Variants in ATXN2 observed in about 807,000 individuals in gnomAD.
ATXN2 encodes the protein ataxin 2, also known as ataxin-2.
In ATXN2, 37 loss-of-function variants were observed where a neutral mutation model predicts 138.6. The ratio of observed to expected loss-of-function variants is 0.27; its 90% CI spans 0.21 to 0.35. The LOEUF is 0.35. ATXN2 is among the 10% of genes least tolerant of loss of function. The probability of loss-of-function intolerance (pLI) is 1.00; values close to 1 mark genes in which losing one functional copy is unlikely to be tolerated. For synonymous variants in ATXN2, 549 were observed against 543.7 expected (o/e 1.01, Z -0.13); for missense variants, 1,216 against 1,480.3 (o/e 0.82, Z 2.93).
intron 15 of ATXN2, among the ~76,000 whole-genome samples, chr12:111,487,080 AT>A (rs1403311852): frequency 6.6e-6 from 1 of 152,012 alleles, no homozygotes; most frequent in Non-Finnish European, 1.5e-5. Flanking sequence ...CAATCAAAAA[AT>A]ACTTTTTTTT....
In ATXN2 at chr12:111,452,590, A is replaced by G. The variant is rs1482507947; in HGVS notation, c.*222T>C. On this transcript the variant is annotated 3_prime_UTR_variant, in exon 25 of 25. Coordinates refer to ENST00000673436, the MANE Select transcript of ATXN2 (RefSeq NM_001372574.1). ...GGTACCTGCGGGACTCTGAAACAGC[A>G]TATGGAATTATGGAATAGCCCCCAA... The G allele has an allele frequency of 2.2e-5, 13 of 577,790 alleles. No homozygotes were observed. Among genetic ancestry groups the G allele is most frequent in the South Asian group, 1.4e-4 (6 of 43,824 alleles). The allele number at this position is 577,790 out of a possible 1,614,324, so 35.8% of individuals were successfully genotyped here.
chr12:111,537,371 G>A (rs1881247314), intron 5 of ATXN2, among the ~76,000 whole-genome samples: 1 of 152,028 alleles, frequency 6.6e-6, no homozygotes, highest in Non-Finnish European at 1.5e-5. Flanking sequence ...GATCACTTGA[G>A]GTCAGGAATT....
intron 20 of ATXN2, chr12:111,468,406 T>C (rs1876175650): frequency 6.6e-6 from 1 of 152,224 alleles, no homozygotes; most frequent in Non-Finnish European, 1.5e-5. Flanking sequence ...CAATACAAAA[T>C]TGAAAGTGAT....
intron 14 of ATXN2, among the ~76,000 whole-genome samples, chr12:111,490,031 C>T (rs1313107204): frequency 6.7e-6 from 1 of 149,694 alleles, no homozygotes; most frequent in East Asian, 2.0e-4. Context: ...GGTGAAACTC[C>T]GTCTCTACTA....
At chr12:111,464,247 G>GGTGTGTGTGTGTGT (rs57717176) in intron 21 of ATXN2, among the ~76,000 whole-genome samples, 185 of 134,712 alleles carry the variant, frequency 1.4e-3, no homozygotes, top group African/African-American at 4.3e-3. Flanking sequence ...TGTGGCTTGG[G>GGTGTGTGTGTGTGT]GTGTGTGTGT....
rs1883636474 is a variant in ATXN2 at position 111,576,145 on chromosome 12, A to AACCAG, written c.252-20227_252-20226insCTGGT. 2.2e-5 allele frequency among the ~76,000 whole-genome samples: 3 copies of AACCAG among 135,020 alleles called. No individual in the cohort carries two copies. In the Admixed American group the frequency reaches 2.3e-4, roughly 10 times the overall value. The allele number at this position is 135,020 out of a possible 152,430, so 88.6% of individuals were successfully genotyped here. On this transcript the variant is annotated intron_variant, in intron 1 of 24. Transcript: ENST00000673436. Reference sequence around the variant, plus strand: ...CATAACATAACATAACATCACACCAAACCAAACCAATAGTCTGGCCGGGCA... The same window carrying AACCAG: ...CATAACATAACATAACATCACACCAAACCAGACCAAACCAATAGTCTGGCCGGGCA...
At chr12:111,532,381 G>C (rs1013880989) in intron 5 of ATXN2, among the ~76,000 whole-genome samples, 6 of 152,176 alleles carry the variant, frequency 3.9e-5, no homozygotes, top group Admixed American at 6.5e-5. Flanking sequence ...TCAGGAGGCT[G>C]AGGCAGGAGA....
chr12:111,507,707 G>C (rs1482624854), intron 14 of ATXN2, among the ~76,000 whole-genome samples: 1 of 152,258 alleles, frequency 6.6e-6, no homozygotes. Flanking sequence ...TGGCGGCTTT[G>C]TGGAATAGAA....
chr12:111,524,991 T>C (rs1440540097), intron 6 of ATXN2, among the ~76,000 whole-genome samples: 2 of 152,248 alleles, frequency 1.3e-5, no homozygotes, highest in Non-Finnish European at 2.9e-5. Flanking sequence ...ACAGTACTCC[T>C]GCTTAACCCC....
At chr12:111,513,741 C>G (rs1879689911) in intron 10 of ATXN2, among the ~76,000 whole-genome samples, 1 of 150,484 alleles carries the variant, frequency 6.6e-6, no homozygotes, top group Non-Finnish European at 1.5e-5. Flanking sequence ...TGTGGAATGC[C>G]ACAAAGTTTT....
At chr12:111,496,491 G>A (rs1006342866) in intron 14 of ATXN2, among the ~76,000 whole-genome samples, 21 of 152,002 alleles carry the variant, frequency 1.4e-4, no homozygotes, top group Admixed American at 7.2e-4. Context: ...AGCCGAGATC[G>A]CGCCACTACA....
intron 18 of ATXN2, among the ~76,000 whole-genome samples, chr12:111,476,329 C>A (rs993998232): frequency 6.6e-6 from 1 of 152,066 alleles, no homozygotes; most frequent in Non-Finnish European, 1.5e-5. Flanking sequence ...AAAACAAACC[C>A]ACCTCTGCAA....
rs776378926 is a variant in ATXN2 at position 111,453,688 on chromosome 12, G to A, written c.3428C>T (p.Thr1143Met). 3.7e-6 allele frequency: 6 copies of A among 1,606,986 alleles called. No homozygotes were observed. The highest frequency in any genetic ancestry group is 5.1e-6 in the Non-Finnish European group (6 of 1,176,210). The change falls in exon 24 of 25, where the codon ACG (threonine) becomes ATG (methionine). Residue 1143 changes from threonine (T) to methionine (M), a missense_variant. By Grantham distance (81) the Thr-to-Met change is moderately conservative. Transcript: ENST00000673436. This position sits in a 1 kb window ranked among gnomAD's most constrained non-coding sequence, Gnocchi z 5.4. ...VSTTAHFPYM[T>M]HPSVQAHHQQ... is the part of the protein sequence containing the mutation. ...CACACACGCCTCACCTGAAGGGTGC[G>A]TCATATAGGGGAAATGCGCTGTTGT...
intron 18 of ATXN2, among the ~76,000 whole-genome samples, chr12:111,480,493 G>A (rs1257963720): frequency 6.6e-6 from 1 of 152,072 alleles, no homozygotes; most frequent in South Asian, 2.1e-4. Context: ...TGACCAACAC[G>A]GTAAAACCCC....
intron 14 of ATXN2, among the ~76,000 whole-genome samples, chr12:111,496,816 A>G (rs1878445890): frequency 6.6e-6 from 1 of 152,140 alleles, no homozygotes; most frequent in South Asian, 2.1e-4. Flanking sequence ...AATACATCCT[A>G]AAGAACTAGA....
intron 21 of ATXN2, among the ~76,000 whole-genome samples, chr12:111,459,003 G>A (rs1484520013): frequency 6.6e-6 from 1 of 152,230 alleles, no homozygotes; most frequent in Non-Finnish European, 1.5e-5. Context: ...GATCACCTGT[G>A]CATCCACTGC....
At chr12:111,471,371 G>A (rs1019021176) in intron 18 of ATXN2, 5 of 152,400 alleles carry the variant, frequency 3.3e-5, no homozygotes, top group Non-Finnish European at 5.9e-5. Flanking sequence ...TAAGAATTCA[G>A]CTCAACTGTC....
intron 9 of ATXN2, among the ~76,000 whole-genome samples, chr12:111,517,025 G>A (rs1044930411): frequency 1.1e-4 from 17 of 152,140 alleles, no homozygotes; most frequent in African/African-American, 4.1e-4. Context: ...CATTAAACTA[G>A]AAAAAGGGAG....
At chr12:111,463,106 A>G (rs761422453) in intron 21 of ATXN2, among the ~76,000 whole-genome samples, 21 of 152,202 alleles carry the variant, frequency 1.4e-4, no homozygotes, top group Non-Finnish European at 2.1e-4. Context: ...TATGGCATTT[A>G]GTAGAGTCAG....
Sources: allele counts gnomAD v4.1 joint callset (sites outside exome capture counted in the v4.1 genomes callset), GRCh38; gene constraint gnomAD v4.1.1; non-coding constraint Gnocchi (gnomAD v3.1); transcripts MANE v1.5; gene names NCBI Gene and HGNC (gene_info 2026-07-23, HGNC 2026-07-21).